ADCY5: variants seen among roughly 807,000 people sequenced by gnomAD.
The protein encoded by ADCY5 is adenylate cyclase type 5.
In ADCY5, 30 loss-of-function variants were observed where a neutral mutation model predicts 119.7. That is an observed-to-expected ratio of 0.25 (90% CI 0.19 to 0.34). The LOEUF (loss-of-function observed/expected upper bound fraction) is 0.34. Ranked by LOEUF, ADCY5 falls within the 10% of genes least tolerant of loss-of-function variation. The pLI, the probability that ADCY5 is intolerant of heterozygous loss-of-function variation, is 1.00. For missense variants in ADCY5, 1,324 were observed against 1,775.2 expected (o/e 0.75, Z 4.57); for synonymous variants, 753 against 762.2 (o/e 0.99, Z 0.20).
intron 8 of ADCY5, among the ~76,000 whole-genome samples, chr3:123,324,403 A>ACC (rs1941367829): frequency 1.6e-5 from 2 of 122,160 alleles, no homozygotes; most frequent in Non-Finnish European, 3.4e-5. Context: ...CCACACAGAA[A>ACC]CCACACACAC....
At chr3:123,446,733 G>A (rs1230873497) in intron 1 of ADCY5, among the ~76,000 whole-genome samples, 1 of 152,118 alleles carries the variant, frequency 6.6e-6, no homozygotes, top group Non-Finnish European at 1.5e-5. Context: ...GGGTCATGAT[G>A]TTCAACAACA....
At chr3:123,407,194 C>A (rs1438498428) in intron 1 of ADCY5, among the ~76,000 whole-genome samples, 1 of 151,910 alleles carries the variant, frequency 6.6e-6, no homozygotes, top group Non-Finnish European at 1.5e-5. Context: ...CATCAACTCT[C>A]CCTTCTCCAG....
chr3:123,353,038 G>A (rs1411658455), intron 1 of ADCY5, among the ~76,000 whole-genome samples: 1 of 152,134 alleles, frequency 6.6e-6, no homozygotes, highest in East Asian at 1.9e-4. Context: ...AAGGATTCTC[G>A]AATCCCCTCA....
intron 1 of ADCY5, among the ~76,000 whole-genome samples, chr3:123,390,297 AT>A (rs1944366873): frequency 6.6e-6 from 1 of 152,344 alleles, no homozygotes; most frequent in South Asian, 2.1e-4. Flanking sequence ...AGCAGCCTTT[AT>A]AATCCCCTTG....
chr3:123,427,956 A>T (rs1156842004), intron 1 of ADCY5, among the ~76,000 whole-genome samples: 1 of 152,204 alleles, frequency 6.6e-6, no homozygotes, highest in East Asian at 1.9e-4. Context: ...ACTGATAATA[A>T]CGAAAATAAA....
At chr3:123,308,329 A>ACG (rs1940326909) in intron 12 of ADCY5, among the ~76,000 whole-genome samples, 1 of 150,838 alleles carries the variant, frequency 6.6e-6, no homozygotes, top group Non-Finnish European at 1.5e-5. Context: ...GAGCCACTGC[A>ACG]CCCGGCCACA....
intron 2 of ADCY5, among the ~76,000 whole-genome samples, chr3:123,351,305 C>T (rs1942828834): frequency 6.6e-6 from 1 of 152,168 alleles, no homozygotes; most frequent in Non-Finnish European, 1.5e-5. Context: ...AGGACACCCC[C>T]CACAGTACTA....
chr3:123,297,014 C>T (rs1225581458), intron 16 of ADCY5: 1 of 1,535,980 alleles, frequency 6.5e-7, no homozygotes, highest in African/African-American at 1.4e-5. Flanking sequence ...AAGTAGGTAC[C>T]AGCTTCCATT....
At chr3:123,428,641 G>T (rs1473701999) in intron 1 of ADCY5, among the ~76,000 whole-genome samples, 1 of 152,168 alleles carries the variant, frequency 6.6e-6, no homozygotes, top group Non-Finnish European at 1.5e-5. Context: ...AGGGGCCTGG[G>T]ACTCCCCATC....
At chr3:123,302,104 A>G (rs972886252) in intron 14 of ADCY5, among the ~76,000 whole-genome samples, 4 of 152,166 alleles carry the variant, frequency 2.6e-5, no homozygotes, top group African/African-American at 9.7e-5. Flanking sequence ...TTGGATGAAA[A>G]CATAGACCTT....
At chr3:123,367,965 A>G (rs1273409395) in intron 1 of ADCY5, 1 of 1,533,560 alleles carries the variant, frequency 6.5e-7, no homozygotes, top group South Asian at 1.2e-5. Flanking sequence ...CCTGGGCCCT[A>G]CCCAGCACTA....
At chr3:123,348,641 A>G (rs1283256441) in intron 2 of ADCY5, among the ~76,000 whole-genome samples, 1 of 152,192 alleles carries the variant, frequency 6.6e-6, no homozygotes, top group Non-Finnish European at 1.5e-5. Flanking sequence ...TGTCACAACC[A>G]GTGGCAGGGG....
intron 1 of ADCY5, among the ~76,000 whole-genome samples, chr3:123,445,346 C>CT (rs1034907529): frequency 6.7e-6 from 1 of 150,156 alleles, no homozygotes; most frequent in South Asian, 2.1e-4. Context: ...GGGGCCCCCC[C>CT]CAAGGCTCAG....
Position 123,448,037 on chromosome 3 carries a change from G to A in ADCY5, c.509C>T (p.Ala170Val). ...LEERRGKGRA[A>V]DELEAGAVEG... Reference sequence around the variant, plus strand: ...GACGGCGCCGGCCTCCAGCTCGTCGGCCGCGCGCCCCTTGCCCCGCCGCTC... The same window carrying A: ...GACGGCGCCGGCCTCCAGCTCGTCGACCGCGCGCCCCTTGCCCCGCCGCTC... The change falls in exon 1 of 21, where the codon GCC (alanine) becomes GTC (valine). Residue 170 changes from alanine to valine, a missense_variant. Coordinates refer to ENST00000462833, the MANE Select transcript of ADCY5 (RefSeq NM_183357.3). 3 of 1,247,814 alleles carry A rather than the reference G, an allele frequency of 2.4e-6. No individual in the cohort carries two copies. The highest frequency in any genetic ancestry group is 3.8e-5 in the Admixed American group (1 of 26,074). 77.3% of individuals were successfully genotyped at this position (1,247,814 alleles called of 1,614,324 possible).
At chr3:123,318,582 C>T (rs902350210) in intron 10 of ADCY5, among the ~76,000 whole-genome samples, 4 of 152,330 alleles carry the variant, frequency 2.6e-5, no homozygotes, top group African/African-American at 7.2e-5. Flanking sequence ...CCAGCCCCAG[C>T]TCCGCCCATG....
At chr3:123,389,511 C>A (rs1327584137) in intron 1 of ADCY5, among the ~76,000 whole-genome samples, 1 of 151,988 alleles carries the variant, frequency 6.6e-6, no homozygotes, top group Admixed American at 6.6e-5. Flanking sequence ...GAGCTAAGCA[C>A]CCCCACACCC....
intron 14 of ADCY5, among the ~76,000 whole-genome samples, chr3:123,301,734 C>T (rs918679105): frequency 2.0e-5 from 3 of 152,220 alleles, no homozygotes; most frequent in East Asian, 1.9e-4. Flanking sequence ...GGGGCAAGTA[C>T]GAGACTGAAA....
chr3:123,333,761 C>G (rs947531134), intron 3 of ADCY5, among the ~76,000 whole-genome samples: 1 of 152,198 alleles, frequency 6.6e-6, no homozygotes, highest in African/African-American at 2.4e-5. Context: ...GCCTTTTATA[C>G]CTCTGCTCTG....
intron 1 of ADCY5, chr3:123,419,155 C>G: frequency 1.0e-6 from 1 of 985,362 alleles, no homozygotes; most frequent in Non-Finnish European, 1.2e-6. Context: ...AGCCGGTGCC[C>G]GAGAGAGCAC....
Sources: allele counts gnomAD v4.1 joint callset (sites outside exome capture counted in the v4.1 genomes callset), GRCh38; gene constraint gnomAD v4.1.1; transcripts MANE v1.5; gene names NCBI Gene and HGNC (gene_info 2026-07-23, HGNC 2026-07-21).